The following URI1 variants were observed in gnomAD, a reference collection of about 807,000 sequenced individuals.
The protein encoded by URI1 is unconventional prefoldin RPB5 interactor 1.
In URI1, 39 loss-of-function variants were observed where a neutral mutation model predicts 60.2. The ratio of observed to expected loss-of-function variants is 0.65; its 90% CI spans 0.50 to 0.85. The LOEUF is 0.85. URI1 is among the 40% of genes least tolerant of loss of function. The pLI, the probability that URI1 is intolerant of heterozygous loss-of-function variation, is 0.00. For missense variants in URI1, 691 were observed against 665.9 expected, an observed-to-expected ratio of 1.04 and a Z score of -0.42; for synonymous variants, 251 against 236.8, an observed-to-expected ratio of 1.06 and a Z score of -0.55.
chr19:30,008,911 A>T, intron 7 of URI1, 94 bp from the exon 8 acceptor site: 1 of 965,450 alleles, frequency 1.0e-6, no homozygotes, highest in Non-Finnish European at 1.5e-6. Flanking sequence ...TTTATTCAAG[A>T]TCTTAGTATT....
intron 2 of URI1, among the ~76,000 whole-genome samples, chr19:29,972,180 ATCT>A (rs2055468549): frequency 1.3e-5 from 2 of 152,248 alleles, no homozygotes; most frequent in South Asian, 4.1e-4. Flanking sequence ...TGTACACATC[ATCT>A]TATTAAATTT....
chr19:29,927,487 C>G (rs1372702876), intron 1 of URI1, among the ~76,000 whole-genome samples: 1 of 150,904 alleles, frequency 6.6e-6, no homozygotes, highest in East Asian at 2.0e-4. Flanking sequence ...GTTTTGAACT[C>G]CTGACCTCAG....
chr19:29,962,976 T>G (rs1484524080), intron 1 of URI1, among the ~76,000 whole-genome samples: 1 of 152,192 alleles, frequency 6.6e-6, no homozygotes, highest in East Asian at 1.9e-4. Flanking sequence ...TAGCTCTAAG[T>G]CTTGTCACTC....
At chr19:29,941,973 T>C (rs924020719), upstream of URI1, among the ~76,000 whole-genome samples, 6 of 150,378 alleles carry the variant, frequency 4.0e-5, no homozygotes, top group African/African-American at 1.5e-4. Context: ...GGAGCTTCTA[T>C]AGAATGTAAG....
intron 4 of URI1, among the ~76,000 whole-genome samples, chr19:30,002,967 A>G (rs2055896542): frequency 2.0e-5 from 3 of 152,096 alleles, no homozygotes; most frequent in Admixed American, 2.0e-4. Flanking sequence ...TGTTTAAATG[A>G]TCCATTTTTA....
At chr19:29,934,509 A>T (rs2054951377) in intron 1 of URI1, among the ~76,000 whole-genome samples, 1 of 151,938 alleles carries the variant, frequency 6.6e-6, no homozygotes, top group African/African-American at 2.4e-5. Flanking sequence ...GGTTTTTCTT[A>T]TGTGTACACA....
chr19:29,970,197 C>T (rs1443470693), intron 1 of URI1, among the ~76,000 whole-genome samples: 1 of 121,574 alleles, frequency 8.2e-6, no homozygotes, highest in South Asian at 2.7e-4. Context: ...ATACAAGAGA[C>T]AATATTGGTA....
chr19:29,979,125 C>T (rs928142248), intron 2 of URI1, among the ~76,000 whole-genome samples: 1 of 152,090 alleles, frequency 6.6e-6, no homozygotes, highest in Non-Finnish European at 1.5e-5. Flanking sequence ...TGTAAAGTAG[C>T]AAAACCTATG....
At chr19:29,955,849 C>G (rs1446913837) in intron 1 of URI1, among the ~76,000 whole-genome samples, 2 of 152,186 alleles carry the variant, frequency 1.3e-5, no homozygotes, top group East Asian at 3.9e-4. Flanking sequence ...CCTTGGCCCC[C>G]CAAAGTGCTG....
In URI1 at chr19:30,009,084, A is replaced by G; in HGVS notation, c.766A>G (p.Asn256Asp). 2 of 1,614,030 alleles carry G rather than the reference A, an allele frequency of 1.2e-6. No homozygotes were observed. Among genetic ancestry groups the G allele is most frequent in the Middle Eastern group, 1.6e-4 (1 of 6,062 alleles). Reference sequence around the variant, plus strand: ...AAAGGAAGATCGTAACACAAATGTGAATGCGATGCATCAAGTAACAGACTC... The same window carrying G: ...AAAGGAAGATCGTAACACAAATGTGGATGCGATGCATCAAGTAACAGACTC... ...EEKEDRNTNV[N>D]AMHQVTDSHT... is the part of the protein sequence containing the mutation. Residue 256 changes from asparagine (N) to aspartate (D), a missense_variant, in exon 8 of 11, where the codon AAT (asparagine) becomes GAT (aspartate). Physicochemically the swap from Asn to Asp is conservative, Grantham distance 23. Coordinates refer to ENST00000392271, the MANE Select transcript of URI1 (RefSeq NM_003796.3).
intron 2 of URI1, among the ~76,000 whole-genome samples, chr19:29,975,705 C>T (rs528478319): frequency 2.9e-4 from 44 of 152,054 alleles, no homozygotes; most frequent in Admixed American, 9.8e-4. Flanking sequence ...GGGGTTTCAC[C>T]GTGTTGCCCA....
At position 29,935,700 on chromosome 19, in the gene URI1, C is replaced by CTTTTTTTTTTTTTTTTTTTTTTTTTTTT. The variant is rs34820413; in HGVS notation, c.63+11960_63+11961insTTTTTTTTTTTTTTTTTTTTTTTTTTTT. Reference sequence around the variant, plus strand: ...TGGTAGGAAATTCTTGGTTGACAGTCTTTTTTTTTTTTTTCCCCAGGACTT... The same window carrying CTTTTTTTTTTTTTTTTTTTTTTTTTTTT: ...TGGTAGGAAATTCTTGGTTGACAGTCTTTTTTTTTTTTTTTTTTTTTTTTTTTTTTTTTTTTTTTTTTCCCCAGGACTT... On this transcript the variant is annotated intron_variant, in intron 1 of 10. Coordinates refer to the URI1 transcript ENST00000360605. 3.6e-4 allele frequency among the ~76,000 whole-genome samples: 48 copies of CTTTTTTTTTTTTTTTTTTTTTTTTTTTT among 131,826 alleles called. 2 individuals are homozygous for CTTTTTTTTTTTTTTTTTTTTTTTTTTTT. The highest frequency in any genetic ancestry group is 1.2e-3 in the African/African-American group (40 of 34,368). The allele number at this position is 131,826 out of a possible 152,430, so 86.5% of individuals were successfully genotyped here. A position where few individuals can be genotyped will look rare whatever the true frequency, so the allele number is the denominator to read the frequency against.
intron 1 of URI1, among the ~76,000 whole-genome samples, chr19:29,963,693 G>A (rs1252904529): frequency 6.6e-6 from 1 of 152,120 alleles, no homozygotes; most frequent in East Asian, 1.9e-4. Context: ...TATTCCTGAA[G>A]GTGATAACTT....
At chr19:29,988,167 C>CAAA (rs34327695) in intron 4 of URI1, among the ~76,000 whole-genome samples, 22 of 140,532 alleles carry the variant, frequency 1.6e-4, no homozygotes, top group African/African-American at 4.2e-4. Context: ...AATTTTGTCT[C>CAAA]AAAAAAAAAA....
intron 1 of URI1, among the ~76,000 whole-genome samples, chr19:29,957,205 A>T (rs756821048): frequency 6.6e-6 from 1 of 152,006 alleles, no homozygotes; most frequent in Non-Finnish European, 1.5e-5. Flanking sequence ...TGAATGTATT[A>T]ATCATAAAGT....
intron 1 of URI1, among the ~76,000 whole-genome samples, chr19:29,960,516 A>G (rs1347802446): frequency 6.6e-6 from 1 of 152,050 alleles, no homozygotes; most frequent in East Asian, 1.9e-4. Context: ...CACCATTCTG[A>G]GATATTTTTA....
intron 1 of URI1, among the ~76,000 whole-genome samples, chr19:29,930,239 G>C (rs573384270): frequency 3.1e-4 from 47 of 152,192 alleles, no homozygotes; most frequent in African/African-American, 9.9e-4. Context: ...GAGCCCGGTT[G>C]ATAGTGTCCT....
intron 4 of URI1, 116 bp downstream of exon 4, chr19:29,986,533 G>T: frequency 7.7e-7 from 1 of 1,294,198 alleles, no homozygotes; most frequent in South Asian, 1.4e-5. Context: ...AATCCAGGCT[G>T]TTTGTGATTC....
intron 6 of URI1, among the ~76,000 whole-genome samples, chr19:30,006,327 A>G (rs1261869760): frequency 6.6e-6 from 1 of 152,102 alleles, no homozygotes; most frequent in Non-Finnish European, 1.5e-5. Context: ...ATTATTTGCT[A>G]CTGTAGAAGA....
Sources: allele counts gnomAD v4.1 joint callset (sites outside exome capture counted in the v4.1 genomes callset), GRCh38; gene constraint gnomAD v4.1.1; transcripts MANE v1.5; gene names NCBI Gene and HGNC (gene_info 2026-07-23, HGNC 2026-07-21).